Variants in ATP7B observed in about 807,000 individuals in gnomAD.
The protein encoded by ATP7B is copper-transporting ATPase 2.
Under a neutral mutation model 118.9 loss-of-function variants are expected in ATP7B, and 113 were observed. That is an observed-to-expected ratio of 0.95 (90% CI 0.82 to 1.11). ATP7B has a LOEUF of 1.11. Among genes scored for constraint, ATP7B ranks in the 50% most tolerant of loss-of-function variants. The pLI, the probability that ATP7B is intolerant of heterozygous loss-of-function variation, is 0.00. For synonymous variants in ATP7B, 777 were observed against 727.4 expected, an observed-to-expected ratio of 1.07 and a Z score of -1.10; for missense variants, 1,867 against 1,871.4, an observed-to-expected ratio of 1.00 and a Z score of 0.04.
chr13:51,937,819 C>T, intron 17 of ATP7B, 140 bp from the exon 18 acceptor site: 1 of 963,526 alleles, frequency 1.0e-6, no homozygotes, highest in South Asian at 1.4e-5. Flanking sequence ...TGCAGGTTTG[C>T]TGTCACAGGG....
In ATP7B at chr13:51,950,131, C is replaced by T. The variant is rs775553302; in HGVS notation, c.2606G>A (p.Gly869Glu). Residue 869 changes from glycine (G) to glutamate (E), a missense_variant, in exon 11 of 21, where the codon GGA (glycine) becomes GAA (glutamate). Gly to Glu is a moderately conservative substitution (Grantham distance 98). Coordinates refer to ENST00000242839, the MANE Select transcript of ATP7B (RefSeq NM_000053.4). ...TATAGACCCCGCAATTACAGTGCTT[C>T]CGGGTTTCTTAGTGACTGGCATGGC... Reference protein sequence around the residue: ...GEAMPVTKKPGSTVIAGSINA... With the variant: ...GEAMPVTKKPESTVIAGSINA... The T allele has an allele frequency of 3.7e-6, 6 of 1,614,200 alleles. No individual in the cohort carries two copies. The highest frequency in any genetic ancestry group is 2.2e-5 in the South Asian group (2 of 91,080).
At chr13:51,962,668 T>G (rs989030185) in intron 5 of ATP7B, among the ~76,000 whole-genome samples, 1 of 152,038 alleles carries the variant, frequency 6.6e-6, no homozygotes, top group Non-Finnish European at 1.5e-5. Context: ...CTAATTATAT[T>G]AGCAAAAAAT....
In ATP7B at chr13:51,934,653, C is replaced by T; in HGVS notation, c.*103G>A. On this transcript the variant is annotated 3_prime_UTR_variant, in exon 21 of 21. Transcript: ENST00000242839. ...TGGACATATCCAGGGAGCGGAAGTC[C>T]CCAAAGCTGGAGGCTAGCTCAGCCC... 5 of 1,556,616 alleles carry T rather than the reference C, an allele frequency of 3.2e-6. No individual in the cohort carries two copies. In the South Asian group the frequency reaches 5.7e-5, roughly 18 times the overall value.
At chr13:51,954,941 G>T (rs559737010) in intron 9 of ATP7B, among the ~76,000 whole-genome samples, 1 of 152,096 alleles carries the variant, frequency 6.6e-6, no homozygotes, top group African/African-American at 2.4e-5. Context: ...AGAACCCCAA[G>T]GACCATCCAC....
In ATP7B at chr13:51,934,907, G is replaced by C; in HGVS notation, c.4247C>G (p.Ala1416Gly). The C allele has an allele frequency of 6.2e-7, 1 of 1,614,144 alleles. No individual in the cohort carries two copies. Among genetic ancestry groups the C allele is most frequent in the Non-Finnish European group, 8.5e-7 (1 of 1,180,044 alleles). Residue 1416 changes from alanine (A) to glycine (G), a missense_variant, in exon 21 of 21, where the codon GCC becomes GGC. Coordinates refer to ENST00000242839, the MANE Select transcript of ATP7B (RefSeq NM_000053.4). ...MDDRWRDSPR[A>G]TPWDQVSYVS... ...ATAGCTGACCTGGTCCCATGGTGTG[G>C]CCCTGGGGGAGTCCCGCCACCTGTC...
At position 51,939,200 on chromosome 13, in the gene ATP7B, C is replaced by T. The variant is rs368128448; in HGVS notation, c.3557-7G>A. ...ATCATCCCACAGAGCACACCTGGAG[C>T]GAACCAGCCAGCATCAGCAGCTACA... On this transcript the variant is annotated splice_region_variant and splice_polypyrimidine_tract_variant and intron_variant, in intron 16 of 20. Transcript: ENST00000242839. The T allele has an allele frequency of 2.2e-5, 35 of 1,612,348 alleles. No individual in the cohort carries two copies. The highest frequency in any genetic ancestry group is 6.7e-5 in the East Asian group (3 of 44,902).
chr13:51,942,243 C>G (rs1233971114), intron 15 of ATP7B, 143 bp downstream of exon 15: 4 of 1,268,790 alleles, frequency 3.2e-6, no homozygotes, highest in Non-Finnish European at 4.5e-6. Flanking sequence ...AGAAACTTTC[C>G]TGGGTGTGGG....
intron 7 of ATP7B, 187 bp downstream of exon 7, chr13:51,959,961 G>T (rs1286255487): frequency 3.9e-6 from 3 of 765,918 alleles, no homozygotes; most frequent in Non-Finnish European, 6.3e-6. Flanking sequence ...CACTGGGGGG[G>T]CCCCAAGCCC....
intron 1 of ATP7B, among the ~76,000 whole-genome samples, chr13:51,988,994 G>A (rs1015204815): frequency 2.0e-5 from 3 of 151,860 alleles, no homozygotes; most frequent in East Asian, 1.9e-4. Flanking sequence ...ACCATGACAC[G>A]TGTATATCTA....
intron 8 of ATP7B, chr13:51,957,838 C>G: frequency 1.8e-6 from 1 of 550,752 alleles, no homozygotes. Flanking sequence ...AATTACATTT[C>G]AGACTGGAAA....
intron 1 of ATP7B, among the ~76,000 whole-genome samples, chr13:51,983,699 T>C (rs1952526316): frequency 6.6e-6 from 1 of 152,010 alleles, no homozygotes; most frequent in Admixed American, 6.5e-5. Flanking sequence ...TCAGGGACAA[T>C]GCTTCCAGGA....
At chr13:51,937,724 A>C (rs563371254) in intron 17 of ATP7B, 45 bp from the exon 18 acceptor site, 1 of 1,599,436 alleles carries the variant, frequency 6.3e-7, no homozygotes, top group African/African-American at 1.3e-5. Flanking sequence ...AAAAGGTATC[A>C]GATAGCAGCA....
At chr13:51,984,739 A>G (rs1952573343) in intron 1 of ATP7B, among the ~76,000 whole-genome samples, 1 of 152,258 alleles carries the variant, frequency 6.6e-6, no homozygotes, top group African/African-American at 2.4e-5. Context: ...CCTACAAGCC[A>G]GAAGAGAATA....
chr13:51,954,088 T>C (rs1050112235), intron 9 of ATP7B, among the ~76,000 whole-genome samples: 2 of 152,094 alleles, frequency 1.3e-5, no homozygotes, highest in Non-Finnish European at 2.9e-5. Flanking sequence ...GCCTGGGGAA[T>C]CAGGAAAGGC....
chr13:51,976,026 T>C (rs1266324425), intron 1 of ATP7B, among the ~76,000 whole-genome samples: 1 of 152,184 alleles, frequency 6.6e-6, no homozygotes, highest in Non-Finnish European at 1.5e-5. Context: ...CACAACACAG[T>C]ACAAGTGTTA....
chr13:51,966,680 AC>A, intron 4 of ATP7B: 1 of 1,340,400 alleles, frequency 7.5e-7, no homozygotes. Flanking sequence ...AACACTACAG[AC>A]ACAGCATGCT....
intron 1 of ATP7B, among the ~76,000 whole-genome samples, chr13:52,005,623 G>A (rs1831092627): frequency 6.6e-6 from 1 of 152,266 alleles, no homozygotes; most frequent in African/African-American, 2.4e-5. Context: ...CTACAGCTCT[G>A]TTCTTCTAAG....
chr13:52,010,629 C>T (rs183585875), intron 1 of ATP7B, among the ~76,000 whole-genome samples: 1 of 152,292 alleles, frequency 6.6e-6, no homozygotes, highest in African/African-American at 2.4e-5. Flanking sequence ...AAAATTTTAA[C>T]ACCTCATACA....
intron 3 of ATP7B, 63 bp downstream of exon 3, chr13:51,970,429 G>T (rs764756416): frequency 5.6e-6 from 9 of 1,605,596 alleles, no homozygotes; most frequent in Non-Finnish European, 7.7e-6. Context: ...TGGGTATTCT[G>T]AAGGGAGAAT....
Sources: gnomAD v4.1 joint callset for allele counts (sites outside exome capture counted in the v4.1 genomes callset) on GRCh38, gnomAD v4.1.1 for gene constraint, MANE v1.5 for transcripts, NCBI Gene and HGNC (gene_info 2026-07-23, HGNC 2026-07-21) for gene names.